SLC25A53: variants seen among roughly 807,000 people sequenced by gnomAD.
SLC25A53 encodes mitochondrial carrier triple repeat protein 6.
In SLC25A53, 5 loss-of-function variants were observed where a neutral mutation model predicts 15.0. The observed-to-expected ratio is 0.33, with a 90% CI of 0.17 to 0.70. The LOEUF is 0.70. Ranked by LOEUF, SLC25A53 falls within the 30% of genes least tolerant of loss-of-function variation. The pLI, the probability that SLC25A53 is intolerant of heterozygous loss-of-function variation, is 0.67. For synonymous variants in SLC25A53, 95 were observed against 100.0 expected, an observed-to-expected ratio of 0.95 and a Z score of 0.30; for missense variants, 216 against 241.6, an observed-to-expected ratio of 0.89 and a Z score of 0.70.
At chrX:104,155,142 G>C (rs1180767871) in intron 1 of SLC25A53, among the ~76,000 whole-genome samples, 2 of 110,143 alleles carry the variant, frequency 1.8e-5, no homozygotes, top group Non-Finnish European at 3.8e-5. Flanking sequence ...AGTGTGCCTA[G>C]CCTTCCCTAG....
intron 1 of SLC25A53, among the ~76,000 whole-genome samples, chrX:104,111,644 C>T (rs2075344746): frequency 9.0e-6 from 1 of 111,249 alleles, no homozygotes; most frequent in South Asian, 3.9e-4. Flanking sequence ...CCTCCCTCAG[C>T]ACTATTATCA....
At chrX:104,116,091 ACATAT>A (rs782066932) in intron 1 of SLC25A53, among the ~76,000 whole-genome samples, 15 of 108,262 alleles carry the variant, frequency 1.4e-4, no homozygotes, top group African/African-American at 2.7e-4. Context: ...TTCTTCTTGA[ACATAT>A]CATGAGACAT....
At chrX:104,129,327 T>G (rs2075419176) in intron 1 of SLC25A53, among the ~76,000 whole-genome samples, 1 of 111,682 alleles carries the variant, frequency 9.0e-6, no homozygotes, top group African/African-American at 3.3e-5. Context: ...AACATTGAAC[T>G]CACAGCAGAC....
intron 1 of SLC25A53, among the ~76,000 whole-genome samples, chrX:104,111,699 A>G (rs781951404): frequency 2.7e-5 from 3 of 110,772 alleles, no homozygotes; most frequent in South Asian, 7.8e-4. Context: ...CTGTGCAAAA[A>G]TACTCTCCAG....
chrX:104,129,186 C>T (rs1228942622), intron 1 of SLC25A53, among the ~76,000 whole-genome samples: 4 of 111,629 alleles, frequency 3.6e-5, no homozygotes, highest in Non-Finnish European at 7.5e-5. Context: ...AATTTTGCTG[C>T]TTTTCCATTT....
At position 104,104,593 on chromosome X, in the gene SLC25A53, C is replaced by T; in HGVS notation, c.665G>A (p.Gly222Glu). The stretch of plus-strand genomic sequence containing the variant: ...ATACAGAACTAGGCAGGTGATTGTT[C>T]CATTGACACTACCAGACACCAAGGC... ...VPALVSGSVN[G>E]TITCLVLYPL... Residue 222 changes from glycine to glutamate, a missense_variant, in exon 2 of 2, where the codon GGA (glycine) becomes GAA (glutamate). Coordinates refer to ENST00000594199, the MANE Select transcript of SLC25A53 (RefSeq NM_001012755.5). The T allele has an allele frequency of 3.3e-6, 4 of 1,211,742 alleles. No individual in the cohort carries two copies. Among genetic ancestry groups the T allele is most frequent in the Non-Finnish European group, 4.5e-6 (4 of 895,498 alleles).
chrX:104,108,623 G>A lies in SLC25A53; in HGVS notation c.-31-3335C>T, dbSNP rs1195642000. On this transcript the variant is annotated intron_variant, in intron 1 of 1. Coordinates refer to ENST00000594199, the MANE Select transcript of SLC25A53 (RefSeq NM_001012755.5). ...AAGTATAGACCACAGAATGGACCTA[G>A]AGTTGGCCTTAAGCAGATATCACCT... Among the ~76,000 whole-genome samples, 3 of 111,268 alleles carry A rather than the reference G, an allele frequency of 2.7e-5. No individual in the cohort carries two copies. The Admixed American group carries it at 2.9e-4, about 11-fold the overall frequency.
At chrX:104,115,268 A>T (rs1556361037) in intron 1 of SLC25A53, 1 of 1,191,694 alleles carries the variant, frequency 8.4e-7, no homozygotes, top group Admixed American at 2.3e-5. Flanking sequence ...ACACATACAG[A>T]GGAGAGGTCA....
chrX:104,111,348 C>G (rs1240524326), intron 1 of SLC25A53, among the ~76,000 whole-genome samples: 5 of 111,769 alleles, frequency 4.5e-5, no homozygotes, highest in African/African-American at 1.3e-4. Context: ...GTTCTGGATT[C>G]AGAGACTCAG....
chrX:104,151,661 C>T (rs1474758564), intron 1 of SLC25A53, among the ~76,000 whole-genome samples: 7 of 111,773 alleles, frequency 6.3e-5, no homozygotes, highest in Non-Finnish European at 3.8e-5. Flanking sequence ...CCCATCTGAA[C>T]TTGAATTCTG....
At chrX:104,136,086 A>G (rs1280013522) in intron 1 of SLC25A53, among the ~76,000 whole-genome samples, 1 of 111,465 alleles carries the variant, frequency 9.0e-6, no homozygotes. Flanking sequence ...CCCACTATAT[A>G]AAATGGCTCA....
At chrX:104,150,260 G>T (rs2075481060) in intron 1 of SLC25A53, among the ~76,000 whole-genome samples, 1 of 109,076 alleles carries the variant, frequency 9.2e-6, no homozygotes, top group Admixed American at 9.8e-5. Context: ...AAAAAAGAAG[G>T]TAACCAAATG....
intron 1 of SLC25A53, among the ~76,000 whole-genome samples, chrX:104,152,392 A>G (rs1228741964): frequency 1.8e-5 from 2 of 108,853 alleles, no homozygotes; most frequent in Admixed American, 2.0e-4. Context: ...CCATGTCCCT[A>G]CAAAGGACAT....
chrX:104,131,997 C>G (rs2075426702), intron 1 of SLC25A53, among the ~76,000 whole-genome samples: 2 of 111,885 alleles, frequency 1.8e-5, no homozygotes, highest in South Asian at 3.7e-4. Context: ...TACCATCTCT[C>G]CTATTATACT....
At chrX:104,130,632 T>C (rs782712011) in intron 1 of SLC25A53, 1 of 110,928 alleles carries the variant, frequency 9.0e-6, no homozygotes, top group African/African-American at 3.3e-5. Context: ...CAGCAGAATT[T>C]TGCATCTCAT....
rs2075277588 is a variant in SLC25A53 at position 104,100,935 on chromosome X, T to C, written c.*3399A>G. 1 of 111,083 alleles carries C rather than the reference T, an allele frequency of 9.0e-6. No individual in the cohort carries two copies. Among genetic ancestry groups the C allele is most frequent in the African/African-American group, 3.3e-5 (1 of 30,530 alleles). The allele number at this position is 111,083 out of a possible 1,213,427, so 9.2% of individuals were successfully genotyped here. A position where few individuals can be genotyped will look rare whatever the true frequency, so the allele number is the denominator to read the frequency against. On this transcript the variant is annotated 3_prime_UTR_variant, in exon 2 of 2. Coordinates refer to ENST00000594199, the MANE Select transcript of SLC25A53 (RefSeq NM_001012755.5). The stretch of plus-strand genomic sequence containing the variant: ...CATTCTGACACAATCTACCTGGAGA[T>C]AGCGTCATATCCCACAAGCTGAGGA...
At chrX:104,137,535 G>A (rs1168654984) in intron 1 of SLC25A53, among the ~76,000 whole-genome samples, 3 of 111,294 alleles carry the variant, frequency 2.7e-5, no homozygotes, top group Non-Finnish European at 3.8e-5. Flanking sequence ...GGGCCTAAAT[G>A]TAAAATAAAG....
In SLC25A53 at chrX:104,103,785, G is replaced by T. The variant is rs2075292312; in HGVS notation, c.*549C>A. ...GACGAGTTCATGCAAGCCTAATTTA[G>T]GATTTCCAGCCACAGCTGCTACCCT... On this transcript the variant is annotated 3_prime_UTR_variant, in exon 2 of 2. Coordinates refer to ENST00000594199, the MANE Select transcript of SLC25A53 (RefSeq NM_001012755.5). 1 of 112,994 alleles carries T rather than the reference G, an allele frequency of 8.9e-6. No individual in the cohort carries two copies. Among genetic ancestry groups the T allele is most frequent in the South Asian group, 3.7e-4 (1 of 2,707 alleles). 9.3% of individuals were successfully genotyped at this position (112,994 alleles called of 1,213,427 possible). A position where few individuals can be genotyped will look rare whatever the true frequency, so the allele number is the denominator to read the frequency against.
intron 1 of SLC25A53, among the ~76,000 whole-genome samples, chrX:104,154,197 C>T (rs1234278431): frequency 8.9e-6 from 1 of 112,113 alleles, no homozygotes; most frequent in Non-Finnish European, 1.9e-5. Flanking sequence ...AGACATTTCT[C>T]AAATGAAGAC....
Sources: allele counts gnomAD v4.1 joint callset (sites outside exome capture counted in the v4.1 genomes callset), GRCh38; gene constraint gnomAD v4.1.1; transcripts MANE v1.5; gene names NCBI Gene and HGNC (gene_info 2026-07-23, HGNC 2026-07-21).